The following ZMYM4 variants were observed in gnomAD, a reference collection of about 807,000 sequenced individuals.
ZMYM4 encodes the protein zinc finger MYM-type containing 4, also known as zinc finger MYM-type protein 4.
Under a neutral mutation model 183.2 loss-of-function variants are expected in ZMYM4, and 31 were observed. The observed-to-expected ratio is 0.17, with a 90% CI of 0.13 to 0.23. The LOEUF (loss-of-function observed/expected upper bound fraction) is 0.23, where lower values mean the gene tolerates loss of function less well. Ranked by LOEUF, ZMYM4 falls within the 10% of genes least tolerant of loss-of-function variation. ZMYM4 has a pLI of 1.00. For missense variants in ZMYM4, 1,273 were observed against 1,840.3 expected, an observed-to-expected ratio of 0.69 and a Z score of 5.64; for synonymous variants, 592 against 631.2, an observed-to-expected ratio of 0.94 and a Z score of 0.93.
chr1:35,374,406 G>T (rs1208058160), intron 7 of ZMYM4, among the ~76,000 whole-genome samples: 2 of 151,720 alleles, frequency 1.3e-5, no homozygotes, highest in African/African-American at 4.8e-5. Flanking sequence ...TGTTTATTTT[G>T]CCATGAAATC....
At chr1:35,383,930 C>T (rs1644520189) in intron 9 of ZMYM4, among the ~76,000 whole-genome samples, 1 of 151,866 alleles carries the variant, frequency 6.6e-6, no homozygotes, top group Non-Finnish European at 1.5e-5. Flanking sequence ...CCACCTATGT[C>T]ACTGGGATGT....
intron 1 of ZMYM4, among the ~76,000 whole-genome samples, chr1:35,296,962 G>A (rs940231110): frequency 3.5e-5 from 5 of 144,304 alleles, no homozygotes; most frequent in African/African-American, 1.3e-4. Context: ...CGATTCTCCT[G>A]CCTCAGCCTC....
intron 2 of ZMYM4, among the ~76,000 whole-genome samples, chr1:35,328,073 G>A (rs1362387523): frequency 6.6e-6 from 1 of 152,084 alleles, no homozygotes; most frequent in Non-Finnish European, 1.5e-5. Context: ...TTCTAATGAA[G>A]GTTTTAATCT....
At chr1:35,403,427 A>G (rs1234626061) in intron 23 of ZMYM4, among the ~76,000 whole-genome samples, 5 of 152,142 alleles carry the variant, frequency 3.3e-5, no homozygotes, top group African/African-American at 4.8e-5. Flanking sequence ...CTGGGATTAC[A>G]GGTGCCCACC....
intron 19 of ZMYM4, 118 bp from the exon 20 acceptor site, chr1:35,397,259 G>A (rs920486301): frequency 2.4e-5 from 29 of 1,191,924 alleles, no homozygotes; most frequent in Non-Finnish European, 3.0e-5. Context: ...TTAATCATCA[G>A]CAATGAATAT....
intron 7 of ZMYM4, among the ~76,000 whole-genome samples, chr1:35,377,996 A>G (rs564368110): frequency 2.0e-5 from 3 of 152,372 alleles, no homozygotes; most frequent in Middle Eastern, 6.8e-3. Flanking sequence ...AATACTTTAA[A>G]TCCTTTGGTG....
At chr1:35,299,714 T>A (rs570506435) in intron 1 of ZMYM4, among the ~76,000 whole-genome samples, 16 of 151,946 alleles carry the variant, frequency 1.1e-4, no homozygotes, top group Non-Finnish European at 2.2e-4. Context: ...AAGGCTAAAG[T>A]GAAGTTACAA....
chr1:35,338,622 G>T (rs1643073016), intron 2 of ZMYM4, among the ~76,000 whole-genome samples: 1 of 152,152 alleles, frequency 6.6e-6, no homozygotes, highest in African/African-American at 2.4e-5. Context: ...CCTCACATCT[G>T]GCCAACACTT....
intron 1 of ZMYM4, among the ~76,000 whole-genome samples, chr1:35,279,052 G>C (rs1039200048): frequency 6.6e-6 from 1 of 152,172 alleles, no homozygotes; most frequent in Non-Finnish European, 1.5e-5. Flanking sequence ...ATCCTCTGTG[G>C]CTTGATCCTC....
At chr1:35,284,782 A>G (rs930232534) in intron 1 of ZMYM4, among the ~76,000 whole-genome samples, 1 of 152,050 alleles carries the variant, frequency 6.6e-6, no homozygotes, top group African/African-American at 2.4e-5. Flanking sequence ...GTGATTTCTT[A>G]GTGTTTGTGA....
intron 20 of ZMYM4, 63 bp downstream of exon 20, chr1:35,397,608 A>C: frequency 5.0e-6 from 7 of 1,391,128 alleles, no homozygotes; most frequent in Non-Finnish European, 6.7e-6. Context: ...CAGGTGACTC[A>C]AGTAATTTTA....
intron 1 of ZMYM4, among the ~76,000 whole-genome samples, chr1:35,293,978 A>G (rs973914852): frequency 1.3e-5 from 2 of 152,122 alleles, no homozygotes; most frequent in Non-Finnish European, 2.9e-5. Context: ...TACTAAAAAC[A>G]CAAAAAATTA....
In ZMYM4 at chr1:35,405,362, C is replaced by T. The variant is rs746056368; in HGVS notation, c.3701-11C>T. 3 of 1,596,368 alleles carry T rather than the reference C, an allele frequency of 1.9e-6. No homozygotes were observed. The highest frequency in any genetic ancestry group is 1.7e-6 in the Non-Finnish European group (2 of 1,175,612). Reference sequence around the variant, plus strand: ...ATTTAAACTTTTCTTTTATGTTTCTCTCCTTGTCAGGGGTTGAACAGGCCT... The same window carrying T: ...ATTTAAACTTTTCTTTTATGTTTCTTTCCTTGTCAGGGGTTGAACAGGCCT... On this transcript the variant is annotated splice_polypyrimidine_tract_variant and intron_variant, in intron 24 of 29. Coordinates refer to ENST00000314607, the MANE Select transcript of ZMYM4 (RefSeq NM_005095.3).
intron 1 of ZMYM4, among the ~76,000 whole-genome samples, chr1:35,294,720 T>C (rs575926523): frequency 2.0e-5 from 3 of 152,152 alleles, no homozygotes; most frequent in African/African-American, 7.2e-5. Flanking sequence ...TATAAGAAAA[T>C]GAAACTATTA....
intron 23 of ZMYM4, among the ~76,000 whole-genome samples, chr1:35,400,971 A>G (rs1034833353): frequency 2.0e-5 from 3 of 152,206 alleles, no homozygotes; most frequent in African/African-American, 4.8e-5. Flanking sequence ...TCTGAGTAGT[A>G]TTTCATTACA....
At chr1:35,417,759 C>T (rs888937476) in intron 28 of ZMYM4, among the ~76,000 whole-genome samples, 4 of 152,098 alleles carry the variant, frequency 2.6e-5, no homozygotes, top group African/African-American at 9.7e-5. Flanking sequence ...CCTGTAATCC[C>T]AGCACTTTGG....
At chr1:35,280,669 G>T (rs1640111551) in intron 1 of ZMYM4, among the ~76,000 whole-genome samples, 1 of 152,124 alleles carries the variant, frequency 6.6e-6, no homozygotes, top group Admixed American at 6.6e-5. Context: ...TGAGCCTCTG[G>T]TGGTCCCACG....
rs1347724749 is a variant in ZMYM4 at position 35,385,611 on chromosome 1, A to G, written c.1720+19A>G. The G allele has an allele frequency of 6.4e-7, 1 of 1,567,972 alleles. No individual in the cohort carries two copies. Among genetic ancestry groups the G allele is most frequent in the Non-Finnish European group, 8.6e-7 (1 of 1,163,052 alleles). On this transcript the variant is annotated intron_variant, in intron 10 of 29. Coordinates refer to ENST00000314607, the MANE Select transcript of ZMYM4 (RefSeq NM_005095.3). The stretch of plus-strand genomic sequence containing the variant: ...TCTGCAGGTAATATTGGTTTCACAA[A>G]CTATGAAATGCAATGGTTGAAAAAT...
rs140241280 is a variant in ZMYM4, at chr1:35,317,363, G to A, written c.40-7997G>A. Among the ~76,000 whole-genome samples, 78 of 152,250 alleles carry A rather than the reference G, an allele frequency of 5.1e-4. 2 individuals carry two copies. The East Asian group carries it at 0.014, about 28-fold the overall frequency. ...CAAGAGAATCCCTTGAACCCGGGAG[G>A]TGGAGGCTGCAGTAAGCTGAGATTG... On this transcript the variant is annotated intron_variant, in intron 1 of 29. Coordinates refer to ENST00000314607, the MANE Select transcript of ZMYM4 (RefSeq NM_005095.3).
Sources: gnomAD v4.1 joint callset for allele counts (sites outside exome capture counted in the v4.1 genomes callset) on GRCh38, gnomAD v4.1.1 for gene constraint, MANE v1.5 for transcripts, NCBI Gene and HGNC (gene_info 2026-07-23, HGNC 2026-07-21) for gene names.